The following GPR39 variants were observed in gnomAD, a reference collection of about 807,000 sequenced individuals.
GPR39 encodes zinc sensing receptor.
Under a neutral mutation model 18.4 loss-of-function variants are expected in GPR39, and 23 were observed. The observed-to-expected ratio is 1.25, with a 90% confidence interval of 0.90 to 1.77. The LOEUF (loss-of-function observed/expected upper bound fraction) is 1.77. Among genes scored for constraint, GPR39 ranks in the 40% most tolerant of loss-of-function variants. GPR39 has a pLI of 0.00. For synonymous variants in GPR39, 280 were observed against 257.9 expected (o/e 1.09, Z -0.82); for missense variants, 647 against 602.4 (o/e 1.07, Z -0.78).
At chr2:132,498,012 C>T (rs571819086) in intron 1 of GPR39, among the ~76,000 whole-genome samples, 3 of 152,314 alleles carry the variant, frequency 2.0e-5, no homozygotes, top group Non-Finnish European at 2.9e-5. Flanking sequence ...GCTTACACTT[C>T]AGTTATGACG....
intron 1 of GPR39, among the ~76,000 whole-genome samples, chr2:132,566,862 G>C (rs370833479): frequency 6.9e-4 from 105 of 152,242 alleles, no homozygotes; most frequent in African/African-American, 2.2e-3. Context: ...ACATTTTTCT[G>C]TTCTGTGTTC....
At chr2:132,602,444 G>T (rs1255272806) in intron 1 of GPR39, among the ~76,000 whole-genome samples, 1 of 152,050 alleles carries the variant, frequency 6.6e-6, no homozygotes, top group Non-Finnish European at 1.5e-5. Context: ...ACTACTAGAA[G>T]AACACATAGG....
At chr2:132,552,079 GA>G (rs1445356431) in intron 1 of GPR39, among the ~76,000 whole-genome samples, 1 of 151,898 alleles carries the variant, frequency 6.6e-6, no homozygotes, top group Non-Finnish European at 1.5e-5. Context: ...AAAATATTTG[GA>G]AAAAAATATA....
intron 1 of GPR39, among the ~76,000 whole-genome samples, chr2:132,424,460 G>A (rs1680075357): frequency 6.6e-6 from 1 of 152,154 alleles, no homozygotes; most frequent in Non-Finnish European, 1.5e-5. Flanking sequence ...CAAAGGTGTT[G>A]TGGATCCATC....
At chr2:132,628,581 A>G (rs893638432) in intron 1 of GPR39, among the ~76,000 whole-genome samples, 8 of 152,286 alleles carry the variant, frequency 5.3e-5, no homozygotes, top group African/African-American at 1.7e-4. Flanking sequence ...ATCTATGCAC[A>G]TCTTTCTGGG....
chr2:132,531,812 A>T (rs1436666778), intron 1 of GPR39, among the ~76,000 whole-genome samples: 1 of 152,260 alleles, frequency 6.6e-6, no homozygotes, highest in Non-Finnish European at 1.5e-5. Flanking sequence ...GAGAACAAAG[A>T]CACAATATAC....
intron 1 of GPR39, among the ~76,000 whole-genome samples, chr2:132,450,715 G>T (rs4387854): frequency 3.4e-4 from 51 of 152,064 alleles, no homozygotes; most frequent in African/African-American, 1.2e-3. Context: ...TTTCTGAGTG[G>T]GGTTTGAACT....
chr2:132,436,413 C>T (rs1357241947), intron 1 of GPR39, among the ~76,000 whole-genome samples: 1 of 152,130 alleles, frequency 6.6e-6, no homozygotes, highest in African/African-American at 2.4e-5. Flanking sequence ...CATGCTAGTC[C>T]ATCTGAGATG....
intron 1 of GPR39, among the ~76,000 whole-genome samples, chr2:132,579,475 G>A (rs943855428): frequency 1.3e-5 from 2 of 151,994 alleles, no homozygotes; most frequent in African/African-American, 2.4e-5. Flanking sequence ...AAATCCTGTT[G>A]GTTGATGGTG....
chr2:132,452,052 T>C (rs1045021287), intron 1 of GPR39, among the ~76,000 whole-genome samples: 1 of 152,212 alleles, frequency 6.6e-6, no homozygotes, highest in African/African-American at 2.4e-5. Flanking sequence ...TTGCTGGGTA[T>C]AAAATTTTTG....
chr2:132,552,626 T>A (rs1417020305), intron 1 of GPR39, among the ~76,000 whole-genome samples: 1 of 151,982 alleles, frequency 6.6e-6, no homozygotes, highest in Middle Eastern at 3.2e-3. Flanking sequence ...CAGGAGGATG[T>A]GTGTATGTTA....
intron 1 of GPR39, among the ~76,000 whole-genome samples, chr2:132,528,692 A>G (rs1679555285): frequency 6.6e-6 from 1 of 152,122 alleles, no homozygotes; most frequent in South Asian, 2.1e-4. Flanking sequence ...TTCTCTTTGT[A>G]GTAATTGTGA....
At chr2:132,480,672 C>G (rs985573945) in intron 1 of GPR39, among the ~76,000 whole-genome samples, 1 of 152,102 alleles carries the variant, frequency 6.6e-6, no homozygotes, top group African/African-American at 2.4e-5. Flanking sequence ...CCAATGCTAA[C>G]GAGAAAATGA....
intron 1 of GPR39, among the ~76,000 whole-genome samples, chr2:132,454,955 G>A (rs1016516328): frequency 2.0e-5 from 3 of 152,150 alleles, no homozygotes; most frequent in Non-Finnish European, 2.9e-5. Context: ...TTTTTGTTGT[G>A]TCTCTGCCAG....
At chr2:132,511,741 T>C (rs1274849203) in intron 1 of GPR39, among the ~76,000 whole-genome samples, 1 of 152,202 alleles carries the variant, frequency 6.6e-6, no homozygotes. Context: ...TGCCAGGCAT[T>C]ATTGATTAAG....
At chr2:132,518,909 CA>C (rs1370556999) in intron 1 of GPR39, among the ~76,000 whole-genome samples, 54 of 152,290 alleles carry the variant, frequency 3.5e-4, no homozygotes, top group Admixed American at 2.9e-3. Flanking sequence ...AGCCTCCTTT[CA>C]AATGAACAAT....
intron 1 of GPR39, among the ~76,000 whole-genome samples, chr2:132,622,913 A>G (rs1425799532): frequency 6.6e-6 from 1 of 152,168 alleles, no homozygotes; most frequent in Non-Finnish European, 1.5e-5. Flanking sequence ...GGAGTTCAAG[A>G]GCAGCCTAAC....
chr2:132,621,362 C>T (rs17324389), intron 1 of GPR39, among the ~76,000 whole-genome samples: 22,867 of 152,208 alleles, frequency 0.15, 1,784 homozygotes, highest in Non-Finnish European at 0.16. Flanking sequence ...CATGACTTGG[C>T]GCTTACCTCT....
intron 1 of GPR39, among the ~76,000 whole-genome samples, chr2:132,423,765 C>T (rs1466743651): frequency 6.6e-6 from 1 of 152,184 alleles, no homozygotes; most frequent in Non-Finnish European, 1.5e-5. Flanking sequence ...TGCAATTACT[C>T]GACTGATGTC....
Sources: gnomAD v4.1 joint callset for allele counts (sites outside exome capture counted in the v4.1 genomes callset) on GRCh38, gnomAD v4.1.1 for gene constraint, MANE v1.5 for transcripts, NCBI Gene and HGNC (gene_info 2026-07-23, HGNC 2026-07-21) for gene names.